The following PARG variants were observed in gnomAD, a reference collection of about 807,000 sequenced individuals.
The protein encoded by PARG is poly(ADP-ribose) glycohydrolase.
Under a neutral mutation model 113.0 loss-of-function variants are expected in PARG, and 35 were observed. The ratio of observed to expected loss-of-function variants is 0.31; its 90% CI spans 0.24 to 0.41. The LOEUF (loss-of-function observed/expected upper bound fraction) is 0.41. Among genes scored for constraint, PARG ranks in the 10% least tolerant of loss-of-function variants. The pLI, the probability that PARG is intolerant of heterozygous loss-of-function variation, is 1.00. For synonymous variants in PARG, 330 were observed against 409.9 expected, an observed-to-expected ratio of 0.81 and a Z score of 2.36; for missense variants, 797 against 1,169.4, an observed-to-expected ratio of 0.68 and a Z score of 4.64.
chr10:49,938,059 G>A (rs2133003338), intron 1 of PARG, among the ~76,000 whole-genome samples: 1 of 152,224 alleles, frequency 6.6e-6, no homozygotes, highest in East Asian at 1.9e-4. Context: ...AAAAAGAGTG[G>A]CAATAAGAAG....
At chr10:49,891,621 A>ATTTCTTTTTTTTT (rs1847805220) in intron 7 of PARG, among the ~76,000 whole-genome samples, 1 of 43,316 alleles carries the variant, frequency 2.3e-5, no homozygotes, top group Non-Finnish European at 3.9e-5. Flanking sequence ...ATATATATAT[A>ATTTCTTTTTTTTT]TATTTTTTTT....
At chr10:49,885,665 G>A (rs1189580511) in intron 7 of PARG, among the ~76,000 whole-genome samples, 7 of 150,768 alleles carry the variant, frequency 4.6e-5, no homozygotes, top group Admixed American at 4.6e-4. Flanking sequence ...TAGACACCAA[G>A]GACTTTCTGA....
chr10:49,940,073 A>C (rs1293350749), intron 1 of PARG, among the ~76,000 whole-genome samples: 38 of 152,158 alleles, frequency 2.5e-4, no homozygotes, highest in African/African-American at 8.9e-4. Flanking sequence ...TATGTTATCT[A>C]TGCCCATAGC....
In PARG at chr10:49,869,469, A is replaced by C. The variant is rs1466907128; in HGVS notation, c.2068+7T>G. 2 of 750,538 alleles carry C rather than the reference A, an allele frequency of 2.7e-6. No homozygotes were observed. Among genetic ancestry groups the C allele is most frequent in the Non-Finnish European group, 4.8e-6 (2 of 419,318 alleles). The allele number at this position is 750,538 out of a possible 1,614,324, so 46.5% of individuals were successfully genotyped here. A position where few individuals can be genotyped will look rare whatever the true frequency, so the allele number is the denominator to read the frequency against. On this transcript the variant is annotated splice_region_variant and intron_variant, in intron 10 of 17. Transcript: ENST00000616448. The stretch of plus-strand genomic sequence containing the variant: ...GAAAAATTACAGTAAGAATGAAAGG[A>C]ATTTACTTTTCTCTGTGACTCTTCT...
In PARG at chr10:49,869,819, C is replaced by T. The variant is rs537223429; in HGVS notation, c.1989-264G>A. On this transcript the variant is annotated intron_variant, in intron 9 of 17. Transcript: ENST00000616448. ...CATTTCTCCAACCTATCTTCCACCA[C>T]AGAGAAGGCACCATCCAGCCCTCCC... 9.1e-4 allele frequency among the ~76,000 whole-genome samples: 138 copies of T among 151,934 alleles called. 1 individual carries two copies. The highest frequency in any genetic ancestry group is 2.9e-3 in the African/African-American group (120 of 41,426).
chr10:49,913,322 T>A (rs1330027947), intron 7 of PARG, among the ~76,000 whole-genome samples: 1 of 152,242 alleles, frequency 6.6e-6, no homozygotes, highest in Non-Finnish European at 1.5e-5. Context: ...AATCTCTAGA[T>A]AAGCTTTACA....
chr10:49,914,251 T>C (rs1356062002), intron 7 of PARG, among the ~76,000 whole-genome samples: 2 of 152,202 alleles, frequency 1.3e-5, no homozygotes, highest in East Asian at 3.8e-4. Context: ...CATGTCCAAT[T>C]TAAGCTCAGA....
At chr10:49,896,444 C>A (rs1848090770) in intron 7 of PARG, among the ~76,000 whole-genome samples, 1 of 152,096 alleles carries the variant, frequency 6.6e-6, no homozygotes, top group Non-Finnish European at 1.5e-5. Flanking sequence ...GCTACCACAC[C>A]CAGCTAATTT....
At chr10:49,937,892 C>T (rs1204817278) in intron 1 of PARG, among the ~76,000 whole-genome samples, 2 of 152,224 alleles carry the variant, frequency 1.3e-5, no homozygotes, top group Non-Finnish European at 2.9e-5. Flanking sequence ...CTGCTTACTG[C>T]TCTTTGCAAT....
intron 7 of PARG, chr10:49,909,465 AG>A (rs1554845692): frequency 6.6e-6 from 1 of 152,230 alleles, no homozygotes; most frequent in African/African-American, 2.4e-5. Flanking sequence ...CTGTTATTTT[AG>A]CTAAACACAG....
chr10:49,864,978 C>CA (rs1365688987), intron 11 of PARG, among the ~76,000 whole-genome samples: 136 of 118,336 alleles, frequency 1.1e-3, no homozygotes, highest in South Asian at 5.4e-3. Flanking sequence ...AAACACTAAC[C>CA]AAAAAAAAAA....
At chr10:49,905,264 C>T (rs1848529219) in intron 7 of PARG, among the ~76,000 whole-genome samples, 1 of 152,214 alleles carries the variant, frequency 6.6e-6, no homozygotes, top group African/African-American at 2.4e-5. Flanking sequence ...GTAAATGTTA[C>T]AAAACAATGA....
At chr10:49,838,280 A>T (rs1554831511) in intron 15 of PARG, among the ~76,000 whole-genome samples, 1 of 151,924 alleles carries the variant, frequency 6.6e-6, no homozygotes, top group Non-Finnish European at 1.5e-5. Context: ...AAAAATACAA[A>T]AATAGCCGGG....
chr10:49,848,138 C>G (rs1554833617), intron 13 of PARG, among the ~76,000 whole-genome samples: 1 of 150,114 alleles, frequency 6.7e-6, no homozygotes, highest in African/African-American at 2.5e-5. Flanking sequence ...ATCACAAGGT[C>G]AAGAGATCGA....
intron 7 of PARG, among the ~76,000 whole-genome samples, chr10:49,904,101 T>C (rs1848466722): frequency 6.6e-6 from 1 of 151,138 alleles, no homozygotes; most frequent in Non-Finnish European, 1.5e-5. Flanking sequence ...TACTGTAAGA[T>C]GAGGAAATGG....
intron 14 of PARG, among the ~76,000 whole-genome samples, chr10:49,842,579 T>C (rs1845296732): frequency 6.6e-6 from 1 of 152,154 alleles, no homozygotes; most frequent in Non-Finnish European, 1.5e-5. Flanking sequence ...TTGCTGACTG[T>C]GAGAAACTAT....
chr10:49,824,891 C>T lies in PARG; in HGVS notation c.2648-4598G>A, dbSNP rs141283220. Among the ~76,000 whole-genome samples the T allele has an allele frequency of 2.4e-3, 371 of 152,222 alleles. 2 individuals are homozygous for T. The highest frequency in any genetic ancestry group is 8.6e-3 in the African/African-American group (359 of 41,538). ...ACCAACTCAAGAATGCATGCCCTTG[C>T]CCACTGCTTCTGGGCTGCTGTGGCA... On this transcript the variant is annotated intron_variant, in intron 16 of 17. Coordinates refer to ENST00000616448, the MANE Select transcript of PARG (RefSeq NM_003631.5).
chr10:49,929,776 A>G (rs2132953218), intron 4 of PARG, among the ~76,000 whole-genome samples: 1 of 151,498 alleles, frequency 6.6e-6, no homozygotes, highest in African/African-American at 2.4e-5. Flanking sequence ...CCATGAGCCG[A>G]GATCGTGCTG....
chr10:49,859,700 A>C (rs1182741670), intron 12 of PARG, among the ~76,000 whole-genome samples: 1 of 152,198 alleles, frequency 6.6e-6, no homozygotes, highest in Non-Finnish European at 1.5e-5. Context: ...AAATACATTC[A>C]ATGTGTATGT....
Sources: gnomAD v4.1 joint callset for allele counts (sites outside exome capture counted in the v4.1 genomes callset) on GRCh38, gnomAD v4.1.1 for gene constraint, MANE v1.5 for transcripts, NCBI Gene and HGNC (gene_info 2026-07-23, HGNC 2026-07-21) for gene names.